Variants in TUSC3 observed in about 807,000 individuals in gnomAD.
TUSC3 encodes dolichyl-diphosphooligosaccharide--protein glycosyltransferase subunit TUSC3.
TUSC3 carries 45 observed loss-of-function variants against 44.8 expected under a neutral mutation model. The ratio of observed to expected loss-of-function variants is 1.00; its 90% CI spans 0.79 to 1.29. TUSC3 has a LOEUF of 1.29. TUSC3 is among the 50% of genes most tolerant of loss of function. The pLI is 0.00. For synonymous variants in TUSC3, 212 were observed against 152.9 expected (o/e 1.39, Z -2.85); for missense variants, 519 against 437.9 (o/e 1.19, Z -1.65).
intron 2 of TUSC3, among the ~76,000 whole-genome samples, chr8:15,498,242 T>A (rs1174019685): frequency 4.6e-5 from 7 of 152,172 alleles, no homozygotes; most frequent in Admixed American, 4.6e-4. Flanking sequence ...TTCCAGTGGA[T>A]AAAGATCATA....
the TUSC3 span, among the ~76,000 whole-genome samples, chr8:15,845,913 C>G: frequency 6.6e-6 from 1 of 152,100 alleles, no homozygotes; most frequent in African/African-American, 2.4e-5. Context: ...TTTAATTGGA[C>G]TTACAGTTCC....
chr8:15,747,176 A>G (rs952420476), intron 8 of TUSC3, among the ~76,000 whole-genome samples: 1 of 152,108 alleles, frequency 6.6e-6, no homozygotes, highest in African/African-American at 2.4e-5. Context: ...GATTGCCAGA[A>G]TTGCAGTTAA....
intron 6 of TUSC3, among the ~76,000 whole-genome samples, chr8:15,715,993 C>T (rs182445288): frequency 3.9e-5 from 6 of 152,112 alleles, no homozygotes; most frequent in East Asian, 1.9e-4. Context: ...TGGTGGCACT[C>T]GCTTGTAATC....
chr8:15,757,282 A>G (rs762563905), intron 9 of TUSC3, among the ~76,000 whole-genome samples: 1 of 152,224 alleles, frequency 6.6e-6, no homozygotes, highest in African/African-American at 2.4e-5. Context: ...GATAGTTTCT[A>G]ATGTCGTTGG....
rs141164966 is a variant in TUSC3, at chr8:15,549,137, T to C, written c.138+8569T>C. 9.4e-4 allele frequency among the ~76,000 whole-genome samples: 143 copies of C among 151,920 alleles called. 5 individuals are homozygous for C. The highest frequency in any genetic ancestry group is 1.8e-3 in the African/African-American group (74 of 41,548). ...CCTCAGGTATATTTGCTGCATACAA[T>C]GTGTTTTCTATATGAATGCTTTTTA... On this transcript the variant is annotated intron_variant, in intron 1 of 10. Transcript: ENST00000503731.
At chr8:15,753,239 A>G (rs1811781721) in intron 9 of TUSC3, among the ~76,000 whole-genome samples, 1 of 151,952 alleles carries the variant, frequency 6.6e-6, no homozygotes, top group Admixed American at 6.6e-5. Flanking sequence ...AAATCCCTCT[A>G]ATTATATCTT....
intron 2 of TUSC3, among the ~76,000 whole-genome samples, chr8:15,512,931 C>CATATATATATATATATATATATAT (rs10696221): frequency 7.2e-5 from 8 of 110,602 alleles, no homozygotes; most frequent in African/African-American, 3.4e-4. Flanking sequence ...TATATATAAT[C>CATATATATATATATATATATATAT]ATATATATAT....
At chr8:15,754,404 C>A (rs1193818651) in intron 9 of TUSC3, among the ~76,000 whole-genome samples, 2 of 152,018 alleles carry the variant, frequency 1.3e-5, no homozygotes, top group Non-Finnish European at 2.9e-5. Context: ...CTTGACTTCC[C>A]CAATTTTAAC....
At chr8:15,840,243 G>T in the TUSC3 span, among the ~76,000 whole-genome samples, 1 of 152,130 alleles carries the variant, frequency 6.6e-6, no homozygotes, top group Non-Finnish European at 1.5e-5. Flanking sequence ...GGGGGAAGGA[G>T]GGAGGGAAAG....
the TUSC3 span, among the ~76,000 whole-genome samples, chr8:15,832,122 A>C: frequency 9.5e-4 from 144 of 152,186 alleles, no homozygotes; most frequent in Non-Finnish European, 1.9e-3. Context: ...AAGGCAGAAG[A>C]GATTGAGGGC....
chr8:15,842,942 A>G, the TUSC3 span, among the ~76,000 whole-genome samples: 2 of 152,178 alleles, frequency 1.3e-5, no homozygotes, highest in Admixed American at 6.5e-5. Context: ...AAGTGTTCAC[A>G]TTGTTTTTTG....
intron 1 of TUSC3, among the ~76,000 whole-genome samples, chr8:15,460,661 G>T (rs1222086379): frequency 6.6e-6 from 1 of 152,194 alleles, no homozygotes; most frequent in African/African-American, 2.4e-5. Flanking sequence ...TATAGCTTCA[G>T]GTCTTAGATT....
At chr8:15,448,505 C>G (rs926998220) in intron 1 of TUSC3, among the ~76,000 whole-genome samples, 1 of 152,070 alleles carries the variant, frequency 6.6e-6, no homozygotes, top group Non-Finnish European at 1.5e-5. Context: ...ATGTCCCTCC[C>G]AACTCCCTAG....
At chr8:15,684,472 C>G (rs970337724) in intron 6 of TUSC3, among the ~76,000 whole-genome samples, 25 of 152,132 alleles carry the variant, frequency 1.6e-4, no homozygotes, top group Admixed American at 3.3e-4. Context: ...GGGTCTCCCG[C>G]CAGTGTCTGC....
chr8:15,678,845 G>T (rs778266952), intron 6 of TUSC3, among the ~76,000 whole-genome samples: 21 of 152,192 alleles, frequency 1.4e-4, no homozygotes, highest in Non-Finnish European at 2.8e-4. Context: ...TGCACCCAAG[G>T]TTTAGCTCCC....
intron 1 of TUSC3, among the ~76,000 whole-genome samples, chr8:15,591,763 G>A (rs1441803065): frequency 1.3e-5 from 2 of 152,136 alleles, no homozygotes; most frequent in African/African-American, 2.4e-5. Context: ...GTGAGCCAAG[G>A]GGAAAGTGGT....
the TUSC3 span, among the ~76,000 whole-genome samples, chr8:15,833,443 G>C: frequency 6.6e-6 from 1 of 152,118 alleles, no homozygotes; most frequent in Non-Finnish European, 1.5e-5. Context: ...CATTAACAAA[G>C]ACAAGGAATT....
chr8:15,527,807 C>T (rs1322690595), intron 2 of TUSC3, among the ~76,000 whole-genome samples: 1 of 152,198 alleles, frequency 6.6e-6, no homozygotes, highest in Non-Finnish European at 1.5e-5. Flanking sequence ...AAAATAAGCT[C>T]TTCACTTAAA....
chr8:15,419,453 A>G (rs1799711156), intron 1 of TUSC3, among the ~76,000 whole-genome samples: 1 of 152,238 alleles, frequency 6.6e-6, no homozygotes, highest in African/African-American at 2.4e-5. Flanking sequence ...AGCAATCATA[A>G]TATTTTAGAA....
Sources: gnomAD v4.1 joint callset for allele counts (sites outside exome capture counted in the v4.1 genomes callset) on GRCh38, gnomAD v4.1.1 for gene constraint, MANE v1.5 for transcripts, NCBI Gene and HGNC (gene_info 2026-07-23, HGNC 2026-07-21) for gene names.